RADIL: variants seen among roughly 807,000 people sequenced by gnomAD.
The protein encoded by RADIL is Rap associating with DIL domain.
RADIL carries 99 observed loss-of-function variants against 97.6 expected under a neutral mutation model. The observed-to-expected ratio is 1.01, with a 90% CI of 0.86 to 1.20. The LOEUF is 1.20. Among genes scored for constraint, RADIL ranks in the 50% most tolerant of loss-of-function variants. The probability of loss-of-function intolerance (pLI) is 0.00; values close to 1 mark genes in which losing one functional copy is unlikely to be tolerated. For synonymous variants in RADIL, 803 were observed against 691.8 expected, an observed-to-expected ratio of 1.16 and a Z score of -2.52; for missense variants, 1,765 against 1,498.9, an observed-to-expected ratio of 1.18 and a Z score of -2.93.
In RADIL at chr7:4,818,207, G is replaced by C. The variant is rs1216674920; in HGVS notation, c.1616-856C>G. Among the ~76,000 whole-genome samples, 2 of 152,194 alleles carry C rather than the reference G, an allele frequency of 1.3e-5. No homozygotes were observed. The highest frequency in any genetic ancestry group is 2.9e-5 in the Non-Finnish European group (2 of 68,014). ...CGCATCGTGGGGGCTGCCTGTCCAG[G>C]CCGCCTGCCAGGGCTGCATGGGCGG... On this transcript the variant is annotated intron_variant, in intron 6 of 14. Transcript: ENST00000399583. The surrounding 1 kb of genome is among the most constrained non-coding windows in gnomAD (Gnocchi z 7.1).
At chr7:4,870,644 A>G (rs112211935) in intron 2 of RADIL, among the ~76,000 whole-genome samples, 4,398 of 152,138 alleles carry the variant, frequency 0.029, 179 homozygotes, top group African/African-American at 0.096. Context: ...GGATTTCACC[A>G]TGTTGGCCAG....
intron 2 of RADIL, chr7:4,861,911 G>T: frequency 2.6e-6 from 2 of 780,162 alleles, no homozygotes; most frequent in Non-Finnish European, 1.9e-6. Flanking sequence ...AGGGCTTCTA[G>T]CTGCCCTGGT....
chr7:4,842,844 C>T lies in RADIL; in HGVS notation c.536-6239G>A, dbSNP rs747382894. ...GGGAACTTTACCACTACTGGGGAAC[C>T]GGAGACCATTGTACTTATTTGCTAT... On this transcript the variant is annotated intron_variant, in intron 2 of 14. Coordinates refer to ENST00000399583, the MANE Select transcript of RADIL (RefSeq NM_018059.5). The surrounding 1 kb of genome is among the most constrained non-coding windows in gnomAD (Gnocchi z 4.5). Among the ~76,000 whole-genome samples, 12 of 151,946 alleles carry T rather than the reference C, an allele frequency of 7.9e-5. No homozygotes were observed. Among genetic ancestry groups the T allele is most frequent in the Non-Finnish European group, 1.3e-4 (9 of 67,984 alleles).
rs957926914 is a variant in RADIL, at chr7:4,867,882, T to C, written c.535+9723A>G. Among the ~76,000 whole-genome samples, 1 of 152,164 alleles carries C rather than the reference T, an allele frequency of 6.6e-6. No individual in the cohort carries two copies. Among genetic ancestry groups the C allele is most frequent in the South Asian group, 2.1e-4 (1 of 4,826 alleles). Reference sequence around the variant, plus strand: ...ATCCACCAGAGCATCTGCCAACAGATTGGAAACCCATGGCCACACAAAGCA... The same window carrying C: ...ATCCACCAGAGCATCTGCCAACAGACTGGAAACCCATGGCCACACAAAGCA... On this transcript the variant is annotated intron_variant, in intron 2 of 14. Transcript: ENST00000399583. The surrounding 1 kb of genome is among the most constrained non-coding windows in gnomAD (Gnocchi z 4.1).
At chr7:4,861,366 C>T (rs780741709) in intron 2 of RADIL, 3 of 1,614,046 alleles carry the variant, frequency 1.9e-6, no homozygotes, top group African/African-American at 1.3e-5. Context: ...TCCTCGACAG[C>T]CCTTAAATCT....
At chr7:4,860,307 C>T (rs1562453886) in intron 2 of RADIL, 10 of 1,613,872 alleles carry the variant, frequency 6.2e-6, no homozygotes, top group South Asian at 5.5e-5. Flanking sequence ...TCCTGAAGCA[C>T]ATGATGAGGC....
chr7:4,881,138 G>T (rs990995917), intron 1 of RADIL, among the ~76,000 whole-genome samples: 1 of 144,762 alleles, frequency 6.9e-6, no homozygotes, highest in Non-Finnish European at 1.5e-5. Context: ...AAAGATGGCT[G>T]GGCACGGTGG....
intron 12 of RADIL, among the ~76,000 whole-genome samples, chr7:4,800,658 C>A (rs935289548): frequency 6.6e-6 from 1 of 152,172 alleles, no homozygotes; most frequent in African/African-American, 2.4e-5. Flanking sequence ...TCCCTCCACA[C>A]CCAGATGTGG....
At chr7:4,809,921 C>T (rs1218720849) in intron 9 of RADIL, among the ~76,000 whole-genome samples, 1 of 151,784 alleles carries the variant, frequency 6.6e-6, no homozygotes, top group Non-Finnish European at 1.5e-5. Flanking sequence ...GGTGTGATCT[C>T]GGCTCACTGC....
intron 2 of RADIL, among the ~76,000 whole-genome samples, chr7:4,850,266 T>C (rs1293877072): frequency 7.0e-6 from 1 of 142,816 alleles, no homozygotes; most frequent in Non-Finnish European, 1.5e-5. Context: ...CCTGTATGTA[T>C]GTATATACAT....
chr7:4,822,573 TAA>T lies in RADIL; in HGVS notation c.1455-21_1455-20del. 6.2e-7 allele frequency: 1 copy of T among 1,610,886 alleles called. No individual in the cohort carries two copies. The highest frequency in any genetic ancestry group is 8.5e-7 in the Non-Finnish European group (1 of 1,179,066). Reference sequence around the variant, plus strand: ...CTCCTGGCTACCAAGACAGAAAGACTAAGAGTTACGCGGGGACCCGACCCTCA... The same window carrying T: ...CTCCTGGCTACCAAGACAGAAAGACTGAGTTACGCGGGGACCCGACCCTCA... On this transcript the variant is annotated intron_variant, in intron 5 of 14. Transcript: ENST00000399583. This position sits in a 1 kb window ranked among gnomAD's most constrained non-coding sequence, Gnocchi z 5.3.
At chr7:4,876,734 C>T (rs758091889) in intron 2 of RADIL, among the ~76,000 whole-genome samples, 5 of 152,252 alleles carry the variant, frequency 3.3e-5, no homozygotes, top group Admixed American at 6.5e-5. Context: ...GCCACCCGTG[C>T]TCTCGGCACT....
At chr7:4,810,675 A>G (rs925979283) in intron 9 of RADIL, among the ~76,000 whole-genome samples, 4 of 152,216 alleles carry the variant, frequency 2.6e-5, no homozygotes, top group African/African-American at 9.6e-5. Context: ...GCTCAATCGG[A>G]GCACATGCAC....
In RADIL at chr7:4,819,582, C is replaced by T. The variant is rs1421369221; in HGVS notation, c.1616-2231G>A. On this transcript the variant is annotated intron_variant, in intron 6 of 14. Transcript: ENST00000399583. The surrounding 1 kb of genome is among the most constrained non-coding windows in gnomAD (Gnocchi z 5.8). Reference sequence around the variant, plus strand: ...CCACGAGGAGAATCTGAGGCGCACACGATGGTGTGAGGCGGCGCGGGAGGG... The same window carrying T: ...CCACGAGGAGAATCTGAGGCGCACATGATGGTGTGAGGCGGCGCGGGAGGG... 3.3e-5 allele frequency among the ~76,000 whole-genome samples: 5 copies of T among 152,184 alleles called. No individual in the cohort carries two copies. Among genetic ancestry groups the T allele is most frequent in the East Asian group, 1.9e-4 (1 of 5,186 alleles).
At position 4,854,141 on chromosome 7, in the gene RADIL, G is replaced by A. The variant is rs1342519768; in HGVS notation, c.536-17536C>T. Among the ~76,000 whole-genome samples, 1 of 152,176 alleles carries A rather than the reference G, an allele frequency of 6.6e-6. No homozygotes were observed. Among genetic ancestry groups the A allele is most frequent in the African/African-American group, 2.4e-5 (1 of 41,442 alleles). On this transcript the variant is annotated intron_variant, in intron 2 of 14. Coordinates refer to ENST00000399583, the MANE Select transcript of RADIL (RefSeq NM_018059.5). This position sits in a 1 kb window ranked among gnomAD's most constrained non-coding sequence, Gnocchi z 5.1. ...GGCCCCATTAACCATCCTGCACCTTGAGGTAACCCTGAAGATAGAAGGCAT... is the reference window on the plus strand; with the variant it reads ...GGCCCCATTAACCATCCTGCACCTTAAGGTAACCCTGAAGATAGAAGGCAT...
intron 2 of RADIL, among the ~76,000 whole-genome samples, chr7:4,845,761 G>A (rs1337910946): frequency 1.3e-5 from 2 of 152,272 alleles, no homozygotes; most frequent in Middle Eastern, 3.4e-3. Flanking sequence ...CAACAATCGC[G>A]CTCTCTGAAA....
intron 2 of RADIL, chr7:4,861,418 G>A (rs766581708): frequency 5.0e-6 from 8 of 1,613,998 alleles, no homozygotes; most frequent in African/African-American, 1.3e-5. Context: ...AGAATGAGGT[G>A]AAAAAGTCGC....
intron 2 of RADIL, among the ~76,000 whole-genome samples, chr7:4,863,077 C>G (rs972870253): frequency 6.6e-6 from 1 of 151,816 alleles, no homozygotes; most frequent in African/African-American, 2.4e-5. Context: ...GACACGTTGT[C>G]AACCTTCTCA....
chr7:4,803,770 G>A lies in RADIL; in HGVS notation c.2291-16C>T, dbSNP rs1482037031. The A allele has an allele frequency of 1.9e-6, 3 of 1,548,044 alleles. No homozygotes were observed. The highest frequency in any genetic ancestry group is 1.2e-5 in the South Asian group (1 of 84,098). ...AGAACATCCTCTGCAGGGGAGAGAG[G>A]ATGCCCGTAATGGCCACAGGAGAAG... On this transcript the variant is annotated splice_polypyrimidine_tract_variant and intron_variant, in intron 10 of 14. Transcript: ENST00000399583.
Sources: allele counts gnomAD v4.1 joint callset (sites outside exome capture counted in the v4.1 genomes callset), GRCh38; gene constraint gnomAD v4.1.1; non-coding constraint Gnocchi (gnomAD v3.1); transcripts MANE v1.5; gene names NCBI Gene and HGNC (gene_info 2026-07-23, HGNC 2026-07-21).